PXDNL: variants seen among roughly 807,000 people sequenced by gnomAD.
PXDNL encodes probable oxidoreductase PXDNL.
PXDNL carries 145 observed loss-of-function variants against 150.8 expected under a neutral mutation model. The ratio of observed to expected loss-of-function variants is 0.96; its 90% confidence interval spans 0.84 to 1.10. The LOEUF is 1.10. Ranked by LOEUF, PXDNL falls within the 50% of genes least tolerant of loss-of-function variation. The probability of loss-of-function intolerance (pLI) is 0.00; values close to 1 mark genes in which losing one functional copy is unlikely to be tolerated. For missense variants in PXDNL, 2,087 were observed against 1,873.9 expected (o/e 1.11, Z -2.10); for synonymous variants, 757 against 725.7 (o/e 1.04, Z -0.69).
chr8:51,409,478 G>A lies in PXDNL; in HGVS notation c.2146C>T (p.Pro716Ser), dbSNP rs1481134072. Residue 716 changes from proline to serine, a missense_variant, in exon 17 of 23, where the codon CCA becomes TCA. Pro to Ser is a moderately conservative substitution (Grantham distance 74). Coordinates refer to ENST00000356297, the MANE Select transcript of PXDNL (RefSeq NM_144651.5). ...LSGCTARRPLPNCSNRCFHAK... is the reference protein window; with the variant it reads ...LSGCTARRPLSNCSNRCFHAK... ...TGGAAACACCGGTTGGAGCAGTTTG[G>A]CAGAGGCCTGCGAGCTGTGCATCCA... The A allele has an allele frequency of 1.9e-6, 3 of 1,612,610 alleles. No individual in the cohort carries two copies. The African/African-American group carries it at 4.0e-5, about 21-fold the overall frequency.
At chr8:51,484,061 T>G (rs553646050) in intron 5 of PXDNL, among the ~76,000 whole-genome samples, 1 of 152,342 alleles carries the variant, frequency 6.6e-6, no homozygotes, top group East Asian at 1.9e-4. Context: ...AGGCAATGTA[T>G]ACATATATCA....
intron 1 of PXDNL, among the ~76,000 whole-genome samples, chr8:51,688,084 T>A (rs1299891590): frequency 6.6e-6 from 1 of 152,120 alleles, no homozygotes; most frequent in Non-Finnish European, 1.5e-5. Context: ...CAAGAGAAAA[T>A]CATTTACCTT....
intron 1 of PXDNL, among the ~76,000 whole-genome samples, chr8:51,791,971 T>G (rs1476438109): frequency 1.3e-5 from 2 of 152,172 alleles, no homozygotes; most frequent in Non-Finnish European, 2.9e-5. Flanking sequence ...TCTGTTACCC[T>G]TCTTTTGCAT....
At chr8:51,601,651 G>T (rs896175096) in intron 2 of PXDNL, among the ~76,000 whole-genome samples, 1 of 151,946 alleles carries the variant, frequency 6.6e-6, no homozygotes, top group Non-Finnish European at 1.5e-5. Context: ...AAATAGATGG[G>T]TCTTCTTTTT....
At chr8:51,392,096 A>C (rs1009463089) in intron 17 of PXDNL, among the ~76,000 whole-genome samples, 1 of 152,228 alleles carries the variant, frequency 6.6e-6, no homozygotes, top group South Asian at 2.1e-4. Context: ...CCATTGATCT[A>C]TATCTCTGTT....
intron 17 of PXDNL, among the ~76,000 whole-genome samples, chr8:51,400,951 T>G (rs778538903): frequency 3.3e-5 from 5 of 152,188 alleles, no homozygotes; most frequent in Non-Finnish European, 7.3e-5. Context: ...AATCAAAGCC[T>G]CTTGGAAAAT....
intron 1 of PXDNL, among the ~76,000 whole-genome samples, chr8:51,727,630 T>C (rs568828016): frequency 1.3e-5 from 2 of 152,188 alleles, no homozygotes; most frequent in East Asian, 3.9e-4. Flanking sequence ...TTGGAGGGCA[T>C]TTTTTTATAA....
chr8:51,506,540 CAAAAAAAAAAAAA>C (rs11312240), intron 4 of PXDNL, among the ~76,000 whole-genome samples: 18 of 67,500 alleles, frequency 2.7e-4, no homozygotes, highest in Middle Eastern at 0.014. Flanking sequence ...GACTCTGTCT[CAAAAAAAAAAAAA>C]AAAAAAAAAA....
At chr8:51,667,760 C>T (rs1292162255) in intron 1 of PXDNL, among the ~76,000 whole-genome samples, 5 of 152,208 alleles carry the variant, frequency 3.3e-5, no homozygotes, top group Admixed American at 6.5e-5. Context: ...TTGCTAAAAA[C>T]GCACAAGGAG....
intron 21 of PXDNL, among the ~76,000 whole-genome samples, chr8:51,332,873 C>G (rs1481489582): frequency 2.6e-5 from 4 of 152,154 alleles, no homozygotes; most frequent in African/African-American, 9.7e-5. Context: ...AATCGGTGTT[C>G]CTTAGGAAGA....
intron 1 of PXDNL, among the ~76,000 whole-genome samples, chr8:51,745,911 AG>A (rs1180108283): frequency 6.6e-6 from 1 of 152,146 alleles, no homozygotes; most frequent in Non-Finnish European, 1.5e-5. Context: ...CTGGGATTAC[AG>A]CACGCTCAGC....
At chr8:51,653,408 G>C (rs925507699) in intron 2 of PXDNL, among the ~76,000 whole-genome samples, 35 of 152,058 alleles carry the variant, frequency 2.3e-4, no homozygotes, top group African/African-American at 8.2e-4. Context: ...ACAGAGCAAG[G>C]CTCTGTCTCA....
intron 4 of PXDNL, among the ~76,000 whole-genome samples, chr8:51,504,054 C>G (rs1480011693): frequency 6.6e-6 from 1 of 150,712 alleles, no homozygotes; most frequent in African/African-American, 2.4e-5. Flanking sequence ...AGCAATGACC[C>G]CTCTGTCTCC....
intron 3 of PXDNL, among the ~76,000 whole-genome samples, chr8:51,572,039 C>T (rs973224201): frequency 7.2e-5 from 11 of 151,746 alleles, no homozygotes; most frequent in African/African-American, 2.7e-4. Context: ...CCAGATAAAC[C>T]CATTGTAAAT....
At chr8:51,695,957 A>C (rs1429596325) in intron 1 of PXDNL, among the ~76,000 whole-genome samples, 19 of 152,166 alleles carry the variant, frequency 1.2e-4, no homozygotes, top group Admixed American at 1.2e-3. Context: ...TGACACAAAG[A>C]AGTACATTTA....
chr8:51,594,859 C>G (rs772364321), intron 2 of PXDNL, among the ~76,000 whole-genome samples: 1 of 151,996 alleles, frequency 6.6e-6, no homozygotes, highest in Non-Finnish European at 1.5e-5. Flanking sequence ...AAAGAAAATG[C>G]ATTCAAAATG....
intron 4 of PXDNL, among the ~76,000 whole-genome samples, chr8:51,506,926 C>T (rs957475665): frequency 3.9e-5 from 6 of 152,268 alleles, no homozygotes; most frequent in East Asian, 1.9e-4. Context: ...GGAAACTCTC[C>T]GATTTTTTTC....
intron 4 of PXDNL, among the ~76,000 whole-genome samples, chr8:51,534,372 C>T (rs1226273595): frequency 6.8e-6 from 1 of 146,290 alleles, no homozygotes; most frequent in Non-Finnish European, 1.5e-5. Flanking sequence ...TCAGCCCCCG[C>T]CAGGCCAGCC....
At chr8:51,703,051 G>T (rs1385536184) in intron 1 of PXDNL, among the ~76,000 whole-genome samples, 1 of 151,996 alleles carries the variant, frequency 6.6e-6, no homozygotes, top group Admixed American at 6.6e-5. Flanking sequence ...ATTCACTAAT[G>T]CTATCTGAAC....
Sources: gnomAD v4.1 joint callset for allele counts (sites outside exome capture counted in the v4.1 genomes callset) on GRCh38, gnomAD v4.1.1 for gene constraint, MANE v1.5 for transcripts, NCBI Gene and HGNC (gene_info 2026-07-23, HGNC 2026-07-21) for gene names.